Variants in BNC2 observed in about 807,000 individuals in gnomAD.
BNC2 encodes the protein zinc finger protein basonuclin-2.
In BNC2, 20 loss-of-function variants were observed where a neutral mutation model predicts 76.3. The observed-to-expected ratio is 0.26, with a 90% confidence interval of 0.18 to 0.38. The LOEUF (loss-of-function observed/expected upper bound fraction) is 0.38, where lower values mean the gene tolerates loss of function less well. Ranked by LOEUF, BNC2 falls within the 10% of genes least tolerant of loss-of-function variation. BNC2 has a pLI of 1.00. For missense variants in BNC2, 1,382 were observed against 1,399.8 expected (o/e 0.99, Z 0.20); for synonymous variants, 582 against 514.8 (o/e 1.13, Z -1.77).
At chr9:16,790,905 GATCTTTGACAATTCTCCCCTTTAATT>G (rs1397542682) in intron 1 of BNC2, among the ~76,000 whole-genome samples, 1 of 135,518 alleles carries the variant, frequency 7.4e-6, no homozygotes, top group African/African-American at 2.8e-5. Context: ...GATGCACTTT[GATCTTTGACAATTCTCCCCTTTAATT>G]ATCCATTTTT....
At chr9:16,625,918 T>G (rs1338259162) in intron 3 of BNC2, 1 of 152,188 alleles carries the variant, frequency 6.6e-6, no homozygotes, top group African/African-American at 2.4e-5. Context: ...GCAATTACAG[T>G]GGAGAATGTC....
At chr9:16,765,716 CTG>C (rs973146308) in intron 1 of BNC2, among the ~76,000 whole-genome samples, 60 of 151,738 alleles carry the variant, frequency 4.0e-4, no homozygotes, top group Non-Finnish European at 3.1e-4. Flanking sequence ...GGCAATGAAA[CTG>C]TGTATTAAGC....
At chr9:16,760,465 T>C (rs1389845284) in intron 1 of BNC2, among the ~76,000 whole-genome samples, 1 of 152,090 alleles carries the variant, frequency 6.6e-6, no homozygotes, top group Non-Finnish European at 1.5e-5. Flanking sequence ...AGGGCCTGGC[T>C]GGGAGGAGGT....
At chr9:16,512,772 T>C (rs1261415918) in intron 5 of BNC2, among the ~76,000 whole-genome samples, 2 of 152,186 alleles carry the variant, frequency 1.3e-5, no homozygotes, top group East Asian at 1.9e-4. Flanking sequence ...CATCAATTAG[T>C]TGTTTTACTG....
Position 16,437,255 on chromosome 9 carries a change from T to C in BNC2, c.939A>G (p.Glu313=). 6.2e-7 allele frequency: 1 copy of C among 1,614,134 alleles called. No individual in the cohort carries two copies. Among genetic ancestry groups the C allele is most frequent in the Non-Finnish European group, 8.5e-7 (1 of 1,180,008 alleles). Residue 313 remains glutamate (E), a synonymous_variant, in exon 6 of 7, where the codon GAA becomes GAG. Coordinates refer to ENST00000380672, the MANE Select transcript of BNC2 (RefSeq NM_017637.6). ...GAAATGCAAGGCTGTTTGGGATGTTTTCGAAGTGATGAATGCTGGAAGGAT... is the reference window on the plus strand; with the variant it reads ...GAAATGCAAGGCTGTTTGGGATGTTCTCGAAGTGATGAATGCTGGAAGGAT... ...NSNPSSIHHF[E]NIPNSLAFLL...
At chr9:16,533,085 C>T (rs1287256005) in intron 5 of BNC2, among the ~76,000 whole-genome samples, 1 of 152,060 alleles carries the variant, frequency 6.6e-6, no homozygotes, top group Non-Finnish European at 1.5e-5. Flanking sequence ...CATCTGTACC[C>T]TTGTGGGAAA....
Position 16,414,720 on chromosome 9 carries a change from A to G in BNC2, c.*4269T>C, listed in dbSNP as rs1311644504. 2 of 152,222 alleles carry G rather than the reference A, an allele frequency of 1.3e-5. No homozygotes were observed. Among genetic ancestry groups the G allele is most frequent in the Non-Finnish European group, 2.9e-5 (2 of 68,060 alleles). The allele number at this position is 152,222 out of a possible 1,614,324, so 9.4% of individuals were successfully genotyped here. A position where few individuals can be genotyped will look rare whatever the true frequency, so the allele number is the denominator to read the frequency against. Reference sequence around the variant, plus strand: ...TCAGGTCAAGCTGTCAGCAGTTAGCAGCATGTCCATCTCAATCTGGTGACT... The same window carrying G: ...TCAGGTCAAGCTGTCAGCAGTTAGCGGCATGTCCATCTCAATCTGGTGACT... On this transcript the variant is annotated 3_prime_UTR_variant, in exon 7 of 7. Coordinates refer to ENST00000380672, the MANE Select transcript of BNC2 (RefSeq NM_017637.6).
chr9:16,868,414 A>G (rs1313784527), intron 1 of BNC2, among the ~76,000 whole-genome samples: 1 of 152,212 alleles, frequency 6.6e-6, no homozygotes, highest in Admixed American at 6.5e-5. Flanking sequence ...TATCTGACAG[A>G]TATCTTACAT....
chr9:16,501,396 T>A (rs1384015994), intron 5 of BNC2, among the ~76,000 whole-genome samples: 1 of 152,222 alleles, frequency 6.6e-6, no homozygotes, highest in Admixed American at 6.5e-5. Flanking sequence ...ATACCAATGC[T>A]TTTTATATAA....
At chr9:16,584,656 G>A (rs1162833446) in intron 3 of BNC2, among the ~76,000 whole-genome samples, 1 of 152,114 alleles carries the variant, frequency 6.6e-6, no homozygotes, top group Non-Finnish European at 1.5e-5. Flanking sequence ...GTATATAGAA[G>A]TGATTAATTT....
intron 1 of BNC2, among the ~76,000 whole-genome samples, chr9:16,857,270 G>A (rs1240035659): frequency 6.6e-6 from 1 of 151,928 alleles, no homozygotes; most frequent in Admixed American, 6.6e-5. Flanking sequence ...CAGAGGTCAG[G>A]AGTTCGAGAT....
chr9:16,480,654 C>G (rs990737654), intron 5 of BNC2, among the ~76,000 whole-genome samples: 3 of 152,234 alleles, frequency 2.0e-5, no homozygotes, highest in African/African-American at 7.2e-5. Flanking sequence ...GCACCCGGGC[C>G]AGCGGCTGCG....
intron 5 of BNC2, among the ~76,000 whole-genome samples, chr9:16,551,154 T>C (rs1818650325): frequency 1.3e-5 from 2 of 152,194 alleles, no homozygotes; most frequent in African/African-American, 2.4e-5. Flanking sequence ...AAACGTAATA[T>C]ATAATTGCTA....
At chr9:16,847,482 A>T (rs1175642853) in intron 1 of BNC2, among the ~76,000 whole-genome samples, 3 of 118,016 alleles carry the variant, frequency 2.5e-5, no homozygotes, top group Admixed American at 1.0e-4. Flanking sequence ...ACTTTATAAA[A>T]TTCATTTGGT....
chr9:16,828,703 T>G (rs533402949), intron 1 of BNC2, among the ~76,000 whole-genome samples: 2 of 152,318 alleles, frequency 1.3e-5, no homozygotes, highest in East Asian at 3.9e-4. Context: ...TAGTTCATTC[T>G]GTGAAAGAAG....
intron 3 of BNC2, among the ~76,000 whole-genome samples, chr9:16,644,153 C>T (rs1264594632): frequency 2.0e-5 from 3 of 152,104 alleles, no homozygotes; most frequent in Non-Finnish European, 4.4e-5. Context: ...TCAAAGTTTC[C>T]TATACATACC....
chr9:16,656,726 G>T (rs181988504), intron 3 of BNC2, among the ~76,000 whole-genome samples: 1 of 152,218 alleles, frequency 6.6e-6, no homozygotes, highest in South Asian at 2.1e-4. Flanking sequence ...CAAATTTCTA[G>T]ATGCACAATA....
At chr9:16,469,723 G>GA (rs1243687096) in intron 5 of BNC2, among the ~76,000 whole-genome samples, 2 of 152,206 alleles carry the variant, frequency 1.3e-5, no homozygotes, top group Non-Finnish European at 2.9e-5. Context: ...GAACTTCCTA[G>GA]AGATGTGTTG....
At position 16,480,745 on chromosome 9, in the gene BNC2, C is replaced by T. The variant is rs1016990913; in HGVS notation, c.670-43221G>A. Among the ~76,000 whole-genome samples, 12 of 152,352 alleles carry T rather than the reference C, an allele frequency of 7.9e-5. No individual in the cohort carries two copies. The East Asian group carries it at 9.7e-4, about 12-fold the overall frequency. ...TCACCGGGCCCTAGCTGCCTTCCGG[C>T]GGGGCAGGGCTCGGGACCTGCAGTC... On this transcript the variant is annotated intron_variant, in intron 5 of 6. Coordinates refer to ENST00000380672, the MANE Select transcript of BNC2 (RefSeq NM_017637.6).
Sources: allele counts gnomAD v4.1 joint callset (sites outside exome capture counted in the v4.1 genomes callset), GRCh38; gene constraint gnomAD v4.1.1; transcripts MANE v1.5; gene names NCBI Gene and HGNC (gene_info 2026-07-23, HGNC 2026-07-21).